BLTP3A: variants seen among roughly 807,000 people sequenced by gnomAD.
BLTP3A encodes the protein ICBP90 binding protein 1.
chr6:34,877,090 C>T, the BLTP3A span: 2 of 152,770 alleles, frequency 1.3e-5, no homozygotes, highest in African/African-American at 2.4e-5. Context: ...GAATGCCCCA[C>T]TGAAGTGTCT....
chr6:34,794,451 A>G, the BLTP3A span, among the ~76,000 whole-genome samples: 1 of 152,210 alleles, frequency 6.6e-6, no homozygotes, highest in East Asian at 1.9e-4. Flanking sequence ...TTTTTGGATC[A>G]CAATTTGTGT....
the BLTP3A span, among the ~76,000 whole-genome samples, chr6:34,869,543 A>C: frequency 7.2e-5 from 11 of 151,914 alleles, no homozygotes; most frequent in African/African-American, 2.4e-5. Flanking sequence ...TGCTTCTTTC[A>C]AGTAACATGA....
chr6:34,811,606 T>C, the BLTP3A span, among the ~76,000 whole-genome samples: 11 of 151,962 alleles, frequency 7.2e-5, no homozygotes, highest in South Asian at 8.3e-4. Flanking sequence ...TCCCAGCACT[T>C]TGGGAGGCTG....
the BLTP3A span, among the ~76,000 whole-genome samples, chr6:34,869,738 G>A: frequency 3.1e-5 from 4 of 130,868 alleles, no homozygotes; most frequent in Non-Finnish European, 3.1e-5. Flanking sequence ...TGCAACCTCC[G>A]CCTCCCGGGT....
At chr6:34,870,264 A>G in the BLTP3A span, among the ~76,000 whole-genome samples, 1 of 152,166 alleles carries the variant, frequency 6.6e-6, no homozygotes, top group South Asian at 2.1e-4. Context: ...TATTTCTGAC[A>G]ATATAATTTC....
the BLTP3A span, among the ~76,000 whole-genome samples, chr6:34,848,548 G>A: frequency 3.3e-5 from 5 of 151,312 alleles, no homozygotes; most frequent in Non-Finnish European, 7.4e-5. Context: ...GGAGGTTGCA[G>A]TGAGCCAAGA....
chr6:34,850,058 G>C, the BLTP3A span, among the ~76,000 whole-genome samples: 1 of 151,388 alleles, frequency 6.6e-6, no homozygotes, highest in East Asian at 1.9e-4. Flanking sequence ...CAGGAGAATC[G>C]CTTGAACCTG....
At chr6:34,821,251 C>G in the BLTP3A span, among the ~76,000 whole-genome samples, 13 of 152,176 alleles carry the variant, frequency 8.5e-5, no homozygotes, top group Non-Finnish European at 1.3e-4. Flanking sequence ...CCACTGCGCC[C>G]GGCTCCCTCT....
At chr6:34,792,376 G>C in the BLTP3A span, 1 of 1,363,168 alleles carries the variant, frequency 7.3e-7, no homozygotes, top group Non-Finnish European at 9.8e-7. Flanking sequence ...CGCGCTCCGG[G>C]CCCAGTCTGC....
At chr6:34,810,408 C>A in the BLTP3A span, among the ~76,000 whole-genome samples, 1 of 152,228 alleles carries the variant, frequency 6.6e-6, no homozygotes. Context: ...AACACGTGAG[C>A]TTACTGCAGT....
chr6:34,867,771 CT>C, the BLTP3A span, among the ~76,000 whole-genome samples: 21,089 of 152,084 alleles, frequency 0.14, 2,949 homozygotes, highest in African/African-American at 0.36. Context: ...CCATTGAAGC[CT>C]TTTTTGCAAA....
chr6:34,835,084 CA>C, the BLTP3A span, among the ~76,000 whole-genome samples: 4 of 152,086 alleles, frequency 2.6e-5, no homozygotes, highest in Non-Finnish European at 5.9e-5. Context: ...TATGTAGGGA[CA>C]CTGACATAGG....
the BLTP3A span, among the ~76,000 whole-genome samples, chr6:34,829,303 A>G: frequency 2.0e-5 from 3 of 152,118 alleles, no homozygotes; most frequent in African/African-American, 4.8e-5. Flanking sequence ...TCTACTGTCT[A>G]TGTCTATTCT....
the BLTP3A span, among the ~76,000 whole-genome samples, chr6:34,818,128 G>C: frequency 6.6e-6 from 1 of 152,106 alleles, no homozygotes; most frequent in South Asian, 2.1e-4. Flanking sequence ...AAAGTGCTGG[G>C]ATTACAGGCG....
At chr6:34,872,624 C>A in the BLTP3A span, 1 of 635,216 alleles carries the variant, frequency 1.6e-6, no homozygotes. Context: ...AGGACAAGGG[C>A]AAAGCATGAT....
chr6:34,862,847 A>G, the BLTP3A span, among the ~76,000 whole-genome samples: 1 of 150,948 alleles, frequency 6.6e-6, no homozygotes, highest in East Asian at 1.9e-4. Flanking sequence ...AAAAAAAAAA[A>G]CCAAAAACAT....
chr6:34,863,050 C>T, the BLTP3A span, among the ~76,000 whole-genome samples: 2 of 151,908 alleles, frequency 1.3e-5, no homozygotes, highest in Non-Finnish European at 1.5e-5. Flanking sequence ...GGACTACAGG[C>T]GCGCACCATC....
At chr6:34,831,082 G>A in the BLTP3A span, among the ~76,000 whole-genome samples, 2 of 151,244 alleles carry the variant, frequency 1.3e-5, no homozygotes, top group African/African-American at 2.4e-5. Context: ...ATGTACTGCA[G>A]ATATCTTCTA....
At chr6:34,857,488 C>G in the BLTP3A span, 1 of 1,612,132 alleles carries the variant, frequency 6.2e-7, no homozygotes, top group Non-Finnish European at 8.5e-7. Flanking sequence ...TCTAGGCTGG[C>G]TATTTTTCTG....
Sources: allele counts gnomAD v4.1 joint callset (sites outside exome capture counted in the v4.1 genomes callset), GRCh38; gene constraint gnomAD v4.1.1; transcripts MANE v1.5; gene names NCBI Gene and HGNC (gene_info 2026-07-23, HGNC 2026-07-21).